The following ASAP2 variants were observed in gnomAD, a reference collection of about 807,000 sequenced individuals.
The protein encoded by ASAP2 is ArfGAP with SH3 domain, ankyrin repeat and PH domain 2, also known as arf-GAP with SH3 domain, ANK repeat and PH domain-containing protein 2.
Under a neutral mutation model 131.4 loss-of-function variants are expected in ASAP2, and 45 were observed. That is an observed-to-expected ratio of 0.34 (90% CI 0.27 to 0.44). The LOEUF (loss-of-function observed/expected upper bound fraction) is 0.44, where lower values mean the gene tolerates loss of function less well. ASAP2 is among the 20% of genes least tolerant of loss of function. The probability of loss-of-function intolerance (pLI) is 1.00; values close to 1 mark genes in which losing one functional copy is unlikely to be tolerated. For synonymous variants in ASAP2, 510 were observed against 503.0 expected, an observed-to-expected ratio of 1.01 and a Z score of -0.19; for missense variants, 1,011 against 1,297.0, an observed-to-expected ratio of 0.78 and a Z score of 3.39.
chr2:9,300,649 T>C lies in ASAP2; in HGVS notation c.345+3204T>C, dbSNP rs145875416. Among the ~76,000 whole-genome samples, 59 of 152,362 alleles carry C rather than the reference T, an allele frequency of 3.9e-4. 1 individual carries two copies. In the East Asian group the frequency reaches 0.011, roughly 29 times the overall value. Reference sequence around the variant, plus strand: ...AAGGATACTCTGTTTCATTTATTCCTCTTGGCAGCTGTGCAGGATAGTTTG... The same window carrying C: ...AAGGATACTCTGTTTCATTTATTCCCCTTGGCAGCTGTGCAGGATAGTTTG... On this transcript the variant is annotated intron_variant, in intron 3 of 27. Coordinates refer to ENST00000281419, the MANE Select transcript of ASAP2 (RefSeq NM_003887.3).
chr2:9,289,477 T>G (rs1285204112), intron 2 of ASAP2, among the ~76,000 whole-genome samples: 3 of 152,104 alleles, frequency 2.0e-5, no homozygotes, highest in African/African-American at 7.2e-5. Context: ...AAGCACACAA[T>G]GAATGAATAA....
intron 6 of ASAP2, among the ~76,000 whole-genome samples, chr2:9,323,956 A>G (rs1332961103): frequency 6.6e-6 from 1 of 152,240 alleles, no homozygotes; most frequent in African/African-American, 2.4e-5. Flanking sequence ...CAAATGGCAC[A>G]TGGAAACAGC....
chr2:9,279,286 C>T (rs10170149), intron 1 of ASAP2, 31 bp from the exon 2 acceptor site: 971,654 of 1,597,404 alleles, frequency 0.61, 300,155 homozygotes, highest in East Asian at 0.67. Context: ...AGCACAGACA[C>T]GGTTTAATGA....
chr2:9,293,516 C>G (rs4632318), intron 2 of ASAP2, among the ~76,000 whole-genome samples: 5,481 of 152,236 alleles, frequency 0.036, 242 homozygotes, highest in African/African-American at 0.097. Context: ...TTTCCAGAAA[C>G]TTTATTCCCA....
rs150054011 is a variant in ASAP2, at chr2:9,271,591, A to G, written c.127-7726A>G. 44 of 1,431,260 alleles carry G rather than the reference A, an allele frequency of 3.1e-5. No individual in the cohort carries two copies. In the East Asian group the frequency reaches 1.0e-3, roughly 33 times the overall value. The allele number at this position is 1,431,260 out of a possible 1,614,324, so 88.7% of individuals were successfully genotyped here. On this transcript the variant is annotated intron_variant, in intron 1 of 27. Coordinates refer to ENST00000281419, the MANE Select transcript of ASAP2 (RefSeq NM_003887.3). ...GTCATCACCCTTACTTGCATCAGCA[A>G]AGGAGTTTAAATAGTGGAGGTTCTG...
chr2:9,261,396 T>TTTC (rs1665568532), intron 1 of ASAP2, among the ~76,000 whole-genome samples: 1 of 152,174 alleles, frequency 6.6e-6, no homozygotes, highest in Admixed American at 6.5e-5. Context: ...TTTGAGTCAG[T>TTTC]TTCTTCTCCT....
rs143868663 is a variant in ASAP2, at chr2:9,248,652, G to A, written c.127-30665G>A. Among the ~76,000 whole-genome samples, 537 of 152,220 alleles carry A rather than the reference G, an allele frequency of 3.5e-3. 5 individuals carry two copies. The highest frequency in any genetic ancestry group is 0.012 in the African/African-American group (502 of 41,550). On this transcript the variant is annotated intron_variant, in intron 1 of 27. Coordinates refer to ENST00000281419, the MANE Select transcript of ASAP2 (RefSeq NM_003887.3). ...GTGAGGTCTTAGATACCCAGGCCCT[G>A]GCTGGGCATGGGAATTCACTGCTTC... is the stretch of plus-strand genomic sequence containing the variant.
In ASAP2 at chr2:9,374,909, G is replaced by A. The variant is rs772719724; in HGVS notation, c.1711G>A (p.Asp571Asn). The stretch of plus-strand genomic sequence containing the variant: ...GCTCCAAGCTTATGCTGATGGTGTG[G>A]ATCTTACGGAAAAAATCCCACTGGC... ...GLLQAYADGVDLTEKIPLANG... is the reference protein window; with the variant it reads ...GLLQAYADGVNLTEKIPLANG... Residue 571 changes from aspartate (D) to asparagine (N), a missense_variant, in exon 17 of 28, where the codon GAT becomes AAT. Transcript: ENST00000281419. 29 of 1,611,528 alleles carry A rather than the reference G, an allele frequency of 1.8e-5. No homozygotes were observed. In the East Asian group the frequency reaches 2.9e-4, roughly 16 times the overall value.
intron 11 of ASAP2, among the ~76,000 whole-genome samples, chr2:9,347,071 TCTC>T (rs58573671): frequency 0.55 from 83,010 of 151,904 alleles, 26,879 homozygotes; most frequent in East Asian, 0.84. Context: ...CTTCCAGAGG[TCTC>T]CTCCTGCCTT....
Position 9,207,245 on chromosome 2 carries a change from G to A in ASAP2, c.126+15G>A, listed in dbSNP as rs1156390437. On this transcript the variant is annotated intron_variant, in intron 1 of 27. Coordinates refer to ENST00000281419, the MANE Select transcript of ASAP2 (RefSeq NM_003887.3). The surrounding 1 kb of genome is among the most constrained non-coding windows in gnomAD (Gnocchi z 4.1). Reference sequence around the variant, plus strand: ...CCATCGAGGAGGTGAGGCGGCCTGCGCGGCGGCTCCGGCCGCAGGTATCCC... The same window carrying A: ...CCATCGAGGAGGTGAGGCGGCCTGCACGGCGGCTCCGGCCGCAGGTATCCC... The A allele has an allele frequency of 2.6e-6, 4 of 1,553,876 alleles. No individual in the cohort carries two copies. Among genetic ancestry groups the A allele is most frequent in the African/African-American group, 2.8e-5 (2 of 72,360 alleles).
At chr2:9,363,768 C>T (rs1342138629) in intron 15 of ASAP2, among the ~76,000 whole-genome samples, 1 of 152,162 alleles carries the variant, frequency 6.6e-6, no homozygotes, top group Non-Finnish European at 1.5e-5. Context: ...GAGACAGGGT[C>T]TCACTATATT....
intron 12 of ASAP2, among the ~76,000 whole-genome samples, chr2:9,354,855 G>A (rs910081035): frequency 5.3e-5 from 8 of 152,158 alleles, no homozygotes; most frequent in African/African-American, 1.7e-4. Flanking sequence ...GAGAGGTGGC[G>A]TGTCCACTCA....
chr2:9,354,131 T>C (rs144198040), intron 12 of ASAP2, among the ~76,000 whole-genome samples: 1 of 152,176 alleles, frequency 6.6e-6, no homozygotes, highest in Non-Finnish European at 1.5e-5. Context: ...GCGAACCCCA[T>C]AGGCACCCTG....
rs1290295468 is a variant in ASAP2 at position 9,217,622 on chromosome 2, T to C, written c.126+10392T>C. 6.6e-6 allele frequency among the ~76,000 whole-genome samples: 1 copy of C among 151,178 alleles called. No individual in the cohort carries two copies. The highest frequency in any genetic ancestry group is 1.9e-4 in the East Asian group (1 of 5,170). ...TTAGAGGTATGTTTTTGTTTTTTGT[T>C]TTTTTTTTTGAGACGGAGTCTTCGC... On this transcript the variant is annotated intron_variant, in intron 1 of 27. Coordinates refer to ENST00000281419, the MANE Select transcript of ASAP2 (RefSeq NM_003887.3). This position sits in a 1 kb window ranked among gnomAD's most constrained non-coding sequence, Gnocchi z 4.0.
chr2:9,255,924 C>G (rs2136840), intron 1 of ASAP2, among the ~76,000 whole-genome samples: 10 of 152,100 alleles, frequency 6.6e-5, no homozygotes, highest in Non-Finnish European at 1.2e-4. Context: ...AGGTAGCATG[C>G]TAGGCATTGA....
At position 9,282,372 on chromosome 2, in the gene ASAP2, C is replaced by T. The variant is rs181985296; in HGVS notation, c.199+2983C>T. On this transcript the variant is annotated intron_variant, in intron 2 of 27. Transcript: ENST00000281419. ...ACTGCAAAGAAGTCACCTGAGGAAA[C>T]GTGATACTTTCTCCTGTCATGTTGA... 2.9e-4 allele frequency among the ~76,000 whole-genome samples: 44 copies of T among 152,318 alleles called. 1 individual carries two copies. The East Asian group carries it at 7.3e-3, about 25-fold the overall frequency.
At chr2:9,227,696 TA>T (rs1572200869) in intron 1 of ASAP2, among the ~76,000 whole-genome samples, 1 of 152,156 alleles carries the variant, frequency 6.6e-6, no homozygotes, top group Admixed American at 6.5e-5. Flanking sequence ...ACCAGCTGAG[TA>T]TTTGGGAGGT....
At position 9,356,315 on chromosome 2, in the gene ASAP2, A is replaced by G. The variant is rs1162345585; in HGVS notation, c.1297A>G (p.Asn433Asp). The change falls in exon 14 of 28, where the codon AAT becomes GAT. Residue 433 changes from asparagine to aspartate, a missense_variant. Coordinates refer to ENST00000281419, the MANE Select transcript of ASAP2 (RefSeq NM_003887.3). ...CTCAGAAGTGCAGAGGATGACGGGC[A>G]ATGACGTCTGCTGTGACTGTGGGGC... ...IISEVQRMTG[N>D]DVCCDCGAPD... 5 of 1,609,874 alleles carry G rather than the reference A, an allele frequency of 3.1e-6. No homozygotes were observed. In the South Asian group the frequency reaches 4.4e-5, roughly 14 times the overall value.
intron 24 of ASAP2, among the ~76,000 whole-genome samples, chr2:9,398,666 G>T (rs972556350): frequency 2.6e-5 from 4 of 152,088 alleles, no homozygotes; most frequent in Non-Finnish European, 5.9e-5. Flanking sequence ...AAAATTTGCT[G>T]TGCGTGGTGG....
Sources: allele counts gnomAD v4.1 joint callset (sites outside exome capture counted in the v4.1 genomes callset), GRCh38; gene constraint gnomAD v4.1.1; non-coding constraint Gnocchi (gnomAD v3.1); transcripts MANE v1.5; gene names NCBI Gene and HGNC (gene_info 2026-07-23, HGNC 2026-07-21).